The following VASH2 variants were observed in gnomAD, a reference collection of about 807,000 sequenced individuals.
VASH2 encodes the protein vasohibin 2.
Under a neutral mutation model 37.2 loss-of-function variants are expected in VASH2, and 28 were observed. The ratio of observed to expected loss-of-function variants is 0.75; its 90% confidence interval spans 0.56 to 1.03. The LOEUF is 1.03. VASH2 is among the 50% of genes least tolerant of loss of function. The pLI is 0.00. For synonymous variants in VASH2, 188 were observed against 174.7 expected (o/e 1.08, Z -0.60); for missense variants, 419 against 459.1 (o/e 0.91, Z 0.80).
chr1:212,980,462 T>C (rs1386323858), intron 7 of VASH2, among the ~76,000 whole-genome samples: 1 of 152,168 alleles, frequency 6.6e-6, no homozygotes, highest in Non-Finnish European at 1.5e-5. Context: ...ATTTCCCTTC[T>C]TCATCACTGA....
At position 212,961,166 on chromosome 1, in the gene VASH2, C is replaced by G. The variant is rs374073809; in HGVS notation, c.277C>G (p.Pro93Ala). The G allele has an allele frequency of 2.0e-5, 32 of 1,614,012 alleles. No homozygotes were observed. In the East Asian group the frequency reaches 3.3e-4, roughly 17 times the overall value. The change falls in exon 3 of 8, where the codon CCT becomes GCT. Residue 93 changes from proline (P) to alanine (A), a missense_variant and splice_region_variant. Coordinates refer to ENST00000517399, the MANE Select transcript of VASH2 (RefSeq NM_001301056.2). ...CCTCCTCTTCTCTATTTTTCTGCAG[C>G]CTTCAATACCCCAGGTCCCAAACTA... ...AIRNAAFLAK[P>A]SIPQVPNYRL... is the part of the protein sequence containing the mutation.
intron 2 of VASH2, 99 bp from the exon 3 acceptor site, chr1:212,961,067 A>C (rs1484965946): frequency 1.7e-6 from 2 of 1,149,124 alleles, no homozygotes; most frequent in Non-Finnish European, 2.6e-6. Context: ...TCTCAGGAGC[A>C]CCTCTCTCTC....
chr1:212,970,293 ACAT>A (rs967542613), intron 5 of VASH2, among the ~76,000 whole-genome samples: 6 of 152,062 alleles, frequency 3.9e-5, no homozygotes, highest in African/African-American at 1.4e-4. Flanking sequence ...TTACCAGTTG[ACAT>A]CATGATGGGA....
chr1:212,982,822 G>A (rs1667375462), intron 7 of VASH2, among the ~76,000 whole-genome samples: 1 of 152,124 alleles, frequency 6.6e-6, no homozygotes, highest in African/African-American at 2.4e-5. Flanking sequence ...AAGGTGGCAG[G>A]GGTGGGGATA....
Position 212,972,978 on chromosome 1 carries a change from CAAGG to C in VASH2, c.879+21_879+24del. ...AGAATGAAGGTGGGTGCTGGGAAGA[CAAGG>C]AAGCCATGCAGGAGAGCTCTTTTCC... On this transcript the variant is annotated intron_variant, in intron 6 of 7. Coordinates refer to ENST00000517399, the MANE Select transcript of VASH2 (RefSeq NM_001301056.2). The C allele has an allele frequency of 6.2e-7, 1 of 1,603,976 alleles. No individual in the cohort carries two copies. Among genetic ancestry groups the C allele is most frequent in the Non-Finnish European group, 8.5e-7 (1 of 1,179,544 alleles).
At chr1:212,958,142 C>T (rs887514655) in intron 2 of VASH2, among the ~76,000 whole-genome samples, 1 of 152,178 alleles carries the variant, frequency 6.6e-6, no homozygotes, top group Non-Finnish European at 1.5e-5. Context: ...CTCCGGGAAG[C>T]CCACCTGGTT....
intron 2 of VASH2, among the ~76,000 whole-genome samples, chr1:212,960,953 G>C (rs1424989610): frequency 6.6e-6 from 1 of 152,214 alleles, no homozygotes; most frequent in Non-Finnish European, 1.5e-5. Context: ...AGGGAACTCA[G>C]AGAGGCAGAG....
chr1:212,985,967 G>A (rs970506489), intron 7 of VASH2, among the ~76,000 whole-genome samples: 1 of 152,176 alleles, frequency 6.6e-6, no homozygotes, highest in African/African-American at 2.4e-5. Context: ...AAAAATCAGG[G>A]ATGGGAGACG....
chr1:212,986,183 T>C (rs777926561), intron 7 of VASH2, among the ~76,000 whole-genome samples: 1 of 152,190 alleles, frequency 6.6e-6, no homozygotes, highest in Non-Finnish European at 1.5e-5. Context: ...ATGACCTGCA[T>C]TTAATCTTTT....
chr1:212,978,905 C>T (rs1448516232), intron 7 of VASH2, among the ~76,000 whole-genome samples: 1 of 152,228 alleles, frequency 6.6e-6, no homozygotes, highest in East Asian at 1.9e-4. Flanking sequence ...GAGGGCAGAT[C>T]TCTCAGCTGA....
intron 2 of VASH2, among the ~76,000 whole-genome samples, chr1:212,957,339 C>A (rs1410555044): frequency 3.3e-5 from 5 of 152,220 alleles, no homozygotes; most frequent in African/African-American, 9.6e-5. Context: ...TTTATTTTCA[C>A]TGAGGCCTAA....
intron 7 of VASH2, among the ~76,000 whole-genome samples, chr1:212,983,588 T>G (rs147455332): frequency 4.6e-5 from 7 of 152,320 alleles, no homozygotes; most frequent in East Asian, 1.9e-4. Context: ...TCCAAACCCA[T>G]GAACTTTTGG....
intron 7 of VASH2, among the ~76,000 whole-genome samples, chr1:212,987,031 C>G (rs1377933202): frequency 3.4e-5 from 5 of 148,458 alleles, no homozygotes; most frequent in South Asian, 4.3e-4. Context: ...CTTCCCATTT[C>G]AGAGAGAGAG....
chr1:212,988,670 T>C lies in VASH2; in HGVS notation c.*86T>C. On this transcript the variant is annotated 3_prime_UTR_variant, in exon 8 of 8. Coordinates refer to ENST00000517399, the MANE Select transcript of VASH2 (RefSeq NM_001301056.2). Reference sequence around the variant, plus strand: ...ATCTTCAGGAGGAACTGCAACTATTTATTAAGAACTTGTGAATTTTATTTT... The same window carrying C: ...ATCTTCAGGAGGAACTGCAACTATTCATTAAGAACTTGTGAATTTTATTTT... 1 of 1,331,054 alleles carries C rather than the reference T, an allele frequency of 7.5e-7. No homozygotes were observed. 82.5% of individuals were successfully genotyped at this position (1,331,054 alleles called of 1,614,324 possible). A position where few individuals can be genotyped will look rare whatever the true frequency, so the allele number is the denominator to read the frequency against.
chr1:212,970,804 C>T (rs1311454300), intron 5 of VASH2, among the ~76,000 whole-genome samples: 3 of 151,772 alleles, frequency 2.0e-5, no homozygotes, highest in African/African-American at 2.4e-5. Flanking sequence ...GCGGGAGAAT[C>T]GCTTGAACTT....
chr1:212,963,028 A>C (rs1666724732), intron 3 of VASH2, among the ~76,000 whole-genome samples: 3 of 150,712 alleles, frequency 2.0e-5, no homozygotes, highest in Admixed American at 6.6e-5. Flanking sequence ...AAGGTTCCCC[A>C]CTTCTATCTA....
chr1:212,982,749 A>G lies in VASH2; in HGVS notation c.996-5763A>G, dbSNP rs536779615. 1.6e-3 allele frequency among the ~76,000 whole-genome samples: 246 copies of G among 152,302 alleles called. 1 individual carries two copies. The highest frequency in any genetic ancestry group is 5.1e-3 in the African/African-American group (211 of 41,568). On this transcript the variant is annotated intron_variant, in intron 7 of 7. Coordinates refer to ENST00000517399, the MANE Select transcript of VASH2 (RefSeq NM_001301056.2). ...TTCTGGGCAGTTCACCAGGAATCTCAGTTTAGCTCATTTTCTGTCAGTATT... is the reference window on the plus strand; with the variant it reads ...TTCTGGGCAGTTCACCAGGAATCTCGGTTTAGCTCATTTTCTGTCAGTATT...
chr1:212,973,472 G>A (rs1037562505), intron 6 of VASH2: 1 of 1,290,904 alleles, frequency 7.7e-7, no homozygotes, highest in Non-Finnish European at 1.0e-6. Context: ...TTCAGGCCTG[G>A]CTATGTTTAG....
At chr1:212,973,078 A>G in intron 6 of VASH2, 117 bp downstream of exon 6, 1 of 1,359,604 alleles carries the variant, frequency 7.4e-7, no homozygotes, top group Non-Finnish European at 9.9e-7. Flanking sequence ...TTGAGGTTAA[A>G]GTCTCTCTTT....
Sources: gnomAD v4.1 joint callset for allele counts (sites outside exome capture counted in the v4.1 genomes callset) on GRCh38, gnomAD v4.1.1 for gene constraint, MANE v1.5 for transcripts, NCBI Gene and HGNC (gene_info 2026-07-23, HGNC 2026-07-21) for gene names.